TRDN: variants seen among roughly 807,000 people sequenced by gnomAD.
TRDN encodes triadin in skeletal muscle.
A neutral mutation model predicts 149.7 loss-of-function variants in TRDN; 161 were observed. That is an observed-to-expected ratio of 1.08 (90% CI 0.95 to 1.23). The LOEUF is 1.23. Ranked by LOEUF, TRDN falls within the 50% of genes most tolerant of loss-of-function variation. The pLI is 0.00. For synonymous variants in TRDN, 294 were observed against 250.5 expected, an observed-to-expected ratio of 1.17 and a Z score of -1.64; for missense variants, 896 against 823.5, an observed-to-expected ratio of 1.09 and a Z score of -1.08.
intron 25 of TRDN, among the ~76,000 whole-genome samples, chr6:123,278,819 T>C (rs528078734): frequency 2.0e-5 from 3 of 152,180 alleles, no homozygotes; most frequent in African/African-American, 7.2e-5. Flanking sequence ...AGATTTTTAA[T>C]GACAAGGTAA....
intron 5 of TRDN, among the ~76,000 whole-genome samples, chr6:123,520,282 G>A (rs145466824): frequency 1.6e-3 from 245 of 152,138 alleles, no homozygotes; most frequent in African/African-American, 5.5e-3. Context: ...TTTAATATAA[G>A]CATGCAATTT....
intron 10 of TRDN, 97 bp from the exon 11 acceptor site, chr6:123,439,100 C>A: frequency 1.1e-6 from 1 of 897,668 alleles, no homozygotes; most frequent in Non-Finnish European, 1.7e-6. Flanking sequence ...AGTTCTGCCT[C>A]CAGCTAGCTT....
intron 19 of TRDN, among the ~76,000 whole-genome samples, chr6:123,367,068 T>G (rs1392843252): frequency 1.3e-5 from 2 of 152,152 alleles, no homozygotes; most frequent in African/African-American, 2.4e-5. Context: ...CCTTTTGGTT[T>G]CTCTAAATAC....
chr6:123,407,377 C>T (rs1474207562), intron 12 of TRDN, among the ~76,000 whole-genome samples: 1 of 152,186 alleles, frequency 6.6e-6, no homozygotes, highest in East Asian at 1.9e-4. Context: ...TCACAGTCAA[C>T]CACTTTTTAC....
intron 12 of TRDN, among the ~76,000 whole-genome samples, chr6:123,430,796 C>T (rs62419023): frequency 6.6e-6 from 1 of 151,948 alleles, no homozygotes; most frequent in African/African-American, 2.4e-5. Flanking sequence ...TTTTAAAATG[C>T]CCATGTCCTT....
intron 24 of TRDN, among the ~76,000 whole-genome samples, chr6:123,286,697 A>T (rs1267737627): frequency 6.6e-6 from 1 of 152,018 alleles, no homozygotes; most frequent in East Asian, 1.9e-4. Flanking sequence ...AAATACGAGG[A>T]ATTAAAAAAA....
intron 4 of TRDN, among the ~76,000 whole-genome samples, chr6:123,543,550 C>A (rs903371420): frequency 6.6e-6 from 1 of 152,090 alleles, no homozygotes; most frequent in Admixed American, 6.6e-5. Flanking sequence ...ACCCAGAAAG[C>A]AAAATGTTTA....
intron 10 of TRDN, among the ~76,000 whole-genome samples, chr6:123,461,555 A>G (rs1243398008): frequency 6.6e-6 from 1 of 152,190 alleles, no homozygotes; most frequent in Non-Finnish European, 1.5e-5. Context: ...GGGTGAAAGT[A>G]GTGGGAAAGA....
intron 1 of TRDN, among the ~76,000 whole-genome samples, chr6:123,635,714 C>T (rs1786275646): frequency 6.6e-6 from 1 of 151,862 alleles, no homozygotes; most frequent in Non-Finnish European, 1.5e-5. Flanking sequence ...TTGTATTATT[C>T]AAAGCAAACC....
At chr6:123,358,634 T>G (rs74873608) in intron 20 of TRDN, among the ~76,000 whole-genome samples, 1 of 24,172 alleles carries the variant, frequency 4.1e-5, no homozygotes, top group Non-Finnish European at 7.6e-5. Context: ...CTGGCTAATT[T>G]TTTTGTATTG....
chr6:123,235,499 G>T (rs1435045087), intron 38 of TRDN, among the ~76,000 whole-genome samples: 2 of 152,018 alleles, frequency 1.3e-5, no homozygotes, highest in Non-Finnish European at 2.9e-5. Context: ...AAGCAACCCA[G>T]CTAGGAAATC....
intron 9 of TRDN, among the ~76,000 whole-genome samples, chr6:123,472,283 C>T (rs1172150013): frequency 6.6e-6 from 1 of 152,202 alleles, no homozygotes; most frequent in Non-Finnish European, 1.5e-5. Context: ...TGCAAGGGGT[C>T]AGGGAGTTCC....
chr6:123,350,770 T>G, intron 21 of TRDN: 1 of 960,326 alleles, frequency 1.0e-6, no homozygotes, highest in Non-Finnish European at 1.2e-6. Flanking sequence ...TTGAAATGAT[T>G]TACCAAGTCA....
chr6:123,512,275 T>C, intron 7 of TRDN, 28 bp downstream of exon 7: 2 of 1,276,820 alleles, frequency 1.6e-6, no homozygotes, highest in Non-Finnish European at 2.2e-6. Flanking sequence ...AAGAATTTAG[T>C]TATGGAAATA....
At chr6:123,489,333 A>T (rs2114791680) in intron 9 of TRDN, among the ~76,000 whole-genome samples, 1 of 152,212 alleles carries the variant, frequency 6.6e-6, no homozygotes, top group African/African-American at 2.4e-5. Flanking sequence ...CAAAAAACAC[A>T]AGTGAAGGAT....
At chr6:123,481,666 C>T (rs1440866663) in intron 9 of TRDN, among the ~76,000 whole-genome samples, 4 of 152,070 alleles carry the variant, frequency 2.6e-5, no homozygotes, top group Non-Finnish European at 5.9e-5. Flanking sequence ...CTCAGTACCA[C>T]ACGTGTTACA....
At chr6:123,416,209 T>C (rs938052602) in intron 12 of TRDN, among the ~76,000 whole-genome samples, 1 of 152,194 alleles carries the variant, frequency 6.6e-6, no homozygotes, top group African/African-American at 2.4e-5. Context: ...TTTTCACTTT[T>C]ATAATTGCTT....
intron 10 of TRDN, among the ~76,000 whole-genome samples, chr6:123,443,219 A>T (rs1161547283): frequency 6.7e-6 from 1 of 149,052 alleles, no homozygotes; most frequent in Admixed American, 6.7e-5. Flanking sequence ...TGTATATAAT[A>T]TATATATACA....
intron 20 of TRDN, among the ~76,000 whole-genome samples, chr6:123,355,833 T>C (rs1780650252): frequency 6.6e-6 from 1 of 151,778 alleles, no homozygotes; most frequent in African/African-American, 2.4e-5. Context: ...TTCAAGAACA[T>C]TATGCATAAT....
Sources: allele counts gnomAD v4.1 joint callset (sites outside exome capture counted in the v4.1 genomes callset), GRCh38; gene constraint gnomAD v4.1.1; transcripts MANE v1.5; gene names NCBI Gene and HGNC (gene_info 2026-07-23, HGNC 2026-07-21).